The following PLS3 variants were observed in gnomAD, a reference collection of about 807,000 sequenced individuals.
PLS3 encodes plastin 3.
PLS3 carries 11 observed loss-of-function variants against 46.5 expected under a neutral mutation model. That is an observed-to-expected ratio of 0.24 (90% CI 0.15 to 0.39). The LOEUF (loss-of-function observed/expected upper bound fraction) is 0.39, where lower values mean the gene tolerates loss of function less well. Ranked by LOEUF, PLS3 falls within the 10% of genes least tolerant of loss-of-function variation. PLS3 has a pLI of 1.00. For synonymous variants in PLS3, 167 were observed against 162.2 expected (o/e 1.03, Z -0.22); for missense variants, 308 against 461.8 (o/e 0.67, Z 3.05).
intron 1 of PLS3, among the ~76,000 whole-genome samples, chrX:115,601,664 C>A (rs1338672981): frequency 9.2e-6 from 1 of 109,092 alleles, no homozygotes; most frequent in Non-Finnish European, 1.9e-5. Context: ...AAAAAAAAAA[C>A]TTGTGGAGTA....
chrX:115,612,110 T>C (rs1390161035), intron 2 of PLS3, among the ~76,000 whole-genome samples: 3 of 111,498 alleles, frequency 2.7e-5, no homozygotes, highest in Non-Finnish European at 5.7e-5. Context: ...ACATGTTAGG[T>C]TCTCAGTAAA....
At chrX:115,583,170 A>G (rs1334570550) in intron 1 of PLS3, among the ~76,000 whole-genome samples, 1 of 112,860 alleles carries the variant, frequency 8.9e-6, no homozygotes, top group Non-Finnish European at 1.9e-5. Context: ...CTGGCAAAGG[A>G]ACTCTAAACT....
intron 1 of PLS3, among the ~76,000 whole-genome samples, chrX:115,598,115 A>G (rs1442654830): frequency 2.7e-5 from 3 of 109,445 alleles, no homozygotes; most frequent in African/African-American, 1.0e-4. Flanking sequence ...AACCTGGAGA[A>G]CATGGCAAAA....
intron 5 of PLS3, among the ~76,000 whole-genome samples, chrX:115,632,144 C>T (rs782247569): frequency 9.0e-6 from 1 of 111,442 alleles, no homozygotes; most frequent in East Asian, 2.8e-4. Flanking sequence ...GCAAGTTTCC[C>T]TCTCTGGGGA....
intron 1 of PLS3, among the ~76,000 whole-genome samples, chrX:115,587,808 T>C (rs946786102): frequency 2.2e-4 from 24 of 111,143 alleles, no homozygotes; most frequent in Non-Finnish European, 3.8e-4. Context: ...CCCGAGTATC[T>C]AACAGATACT....
chrX:115,570,982 G>A lies in PLS3; in HGVS notation c.-9+9722G>A, dbSNP rs781820273. On this transcript the variant is annotated intron_variant, in intron 1 of 15. Transcript: ENST00000355899. ...GCGATCTCAGCTCACTGCAACCTCC[G>A]CCTCCGGGTTCATGCGATTCTCCTG... 1.8e-3 allele frequency among the ~76,000 whole-genome samples: 179 copies of A among 97,117 alleles called. 2 individuals are homozygous for A. The highest frequency in any genetic ancestry group is 6.3e-3 in the African/African-American group (163 of 25,991). The allele number at this position is 97,117 out of a possible 115,157, so 84.3% of individuals were successfully genotyped here.
intron 1 of PLS3, among the ~76,000 whole-genome samples, chrX:115,604,609 G>A (rs1225240202): frequency 1.8e-5 from 2 of 111,464 alleles, no homozygotes; most frequent in African/African-American, 6.5e-5. Context: ...AACCTTGGGC[G>A]CGGTACAACA....
intron 1 of PLS3, among the ~76,000 whole-genome samples, chrX:115,598,279 C>T (rs1176239077): frequency 3.0e-5 from 3 of 101,200 alleles, no homozygotes; most frequent in Non-Finnish European, 5.9e-5. Context: ...GGCGACACAG[C>T]GAGATTCTAT....
At chrX:115,588,124 A>G (rs782691986) in intron 1 of PLS3, among the ~76,000 whole-genome samples, 25 of 112,609 alleles carry the variant, frequency 2.2e-4, no homozygotes, top group Non-Finnish European at 4.7e-4. Context: ...CATGGGTAAA[A>G]GGCCCATTCT....
intron 1 of PLS3, among the ~76,000 whole-genome samples, chrX:115,603,841 G>GT (rs1556634924): frequency 9.0e-6 from 1 of 111,588 alleles, no homozygotes; most frequent in East Asian, 2.8e-4. Flanking sequence ...GAAAATCAGG[G>GT]TTTTTTTCCT....
chrX:115,582,740 T>TA (rs2074286060), intron 1 of PLS3, among the ~76,000 whole-genome samples: 1 of 112,444 alleles, frequency 8.9e-6, no homozygotes, highest in South Asian at 3.6e-4. Context: ...AACATTTTTT[T>TA]AAAAAATTAA....
chrX:115,646,787 C>T (rs1374086769), intron 13 of PLS3, among the ~76,000 whole-genome samples: 2 of 112,071 alleles, frequency 1.8e-5, no homozygotes, highest in Non-Finnish European at 3.8e-5. Flanking sequence ...AGATTTCGGC[C>T]TCGTTTAGTG....
chrX:115,634,012 C>T lies in PLS3; in HGVS notation c.513C>T (p.Asn171=). Residue 171 remains asparagine, a synonymous_variant, in exon 6 of 16, where the codon AAC becomes AAT. Transcript: ENST00000355899. ...GDGIVLCKMI[N]LSVPDTIDER... Reference sequence around the variant, plus strand: ...ATTTTTGTTTCAGTAAAATGATTAACCTTTCAGTTCCTGATACCATTGATG... The same window carrying T: ...ATTTTTGTTTCAGTAAAATGATTAATCTTTCAGTTCCTGATACCATTGATG... The T allele has an allele frequency of 8.9e-7, 1 of 1,125,689 alleles. No homozygotes were observed. 92.8% of individuals were successfully genotyped at this position (1,125,689 alleles called of 1,213,427 possible). A position where few individuals can be genotyped will look rare whatever the true frequency, so the allele number is the denominator to read the frequency against.
intron 5 of PLS3, among the ~76,000 whole-genome samples, chrX:115,630,218 A>T (rs2074750792): frequency 9.0e-6 from 1 of 111,311 alleles, no homozygotes; most frequent in African/African-American, 3.3e-5. Flanking sequence ...GCAGAACATT[A>T]CAACTTTGTT....
chrX:115,630,795 CAA>C (rs1219905616), intron 5 of PLS3, among the ~76,000 whole-genome samples: 10 of 88,126 alleles, frequency 1.1e-4, no homozygotes, highest in Non-Finnish European at 2.1e-4. Flanking sequence ...TGTATATATA[CAA>C]AATATATATG....
Position 115,646,097 on chromosome X carries a change from T to C in PLS3, c.1288T>C (p.Leu430=). The change falls in exon 12 of 16, where the codon TTA becomes CTA. Residue 430 remains leucine, a synonymous_variant. Transcript: ENST00000355899. ...YADLQDALVI[L]QLYERIKVPV... The stretch of plus-strand genomic sequence containing the variant: ...TGACCTGCAAGATGCCCTGGTAATC[T>C]TACAGTTATATGAACGAATTAAAGT... The C allele has an allele frequency of 8.5e-7, 1 of 1,181,217 alleles. No homozygotes were observed. Among genetic ancestry groups the C allele is most frequent in the Non-Finnish European group, 1.2e-6 (1 of 868,793 alleles).
At chrX:115,607,535 A>G (rs1277079870) in intron 1 of PLS3, among the ~76,000 whole-genome samples, 12 of 100,564 alleles carry the variant, frequency 1.2e-4, no homozygotes, top group Middle Eastern at 5.6e-3. Flanking sequence ...GTCTCACTCT[A>G]TCACCCAGGC....
intron 3 of PLS3, among the ~76,000 whole-genome samples, chrX:115,624,089 C>T (rs1482286343): frequency 9.1e-6 from 1 of 109,795 alleles, no homozygotes; most frequent in African/African-American, 3.3e-5. Flanking sequence ...ACTATCTGGG[C>T]GTGGTGGTGC....
chrX:115,650,599 T>A lies in PLS3; in HGVS notation c.*1038T>A, dbSNP rs931268971. 8.9e-6 allele frequency: 1 copy of A among 112,671 alleles called. No individual in the cohort carries two copies. Among genetic ancestry groups the A allele is most frequent in the African/African-American group, 3.2e-5 (1 of 31,044 alleles). 9.3% of individuals were successfully genotyped at this position (112,671 alleles called of 1,213,427 possible). A position where few individuals can be genotyped will look rare whatever the true frequency, so the allele number is the denominator to read the frequency against. ...GTTTGCTATAGTTTCCAAGGTATTA[T>A]GTTACTCTAACTCTGAAAAGTGATG... On this transcript the variant is annotated 3_prime_UTR_variant, in exon 16 of 16. Coordinates refer to ENST00000355899, the MANE Select transcript of PLS3 (RefSeq NM_005032.7).
Sources: gnomAD v4.1 joint callset for allele counts (sites outside exome capture counted in the v4.1 genomes callset) on GRCh38, gnomAD v4.1.1 for gene constraint, MANE v1.5 for transcripts, NCBI Gene and HGNC (gene_info 2026-07-23, HGNC 2026-07-21) for gene names.